Variants in CSMD3 observed in about 807,000 individuals in gnomAD.
CSMD3 encodes the protein CUB and sushi domain-containing protein 3.
A neutral mutation model predicts 435.2 loss-of-function variants in CSMD3; 177 were observed. The observed-to-expected ratio is 0.41, with a 90% CI of 0.36 to 0.46. The LOEUF (loss-of-function observed/expected upper bound fraction) is 0.46. CSMD3 is among the 20% of genes least tolerant of loss of function. CSMD3 has a pLI of 0.34. For missense variants in CSMD3, 4,265 were observed against 4,504.6 expected, an observed-to-expected ratio of 0.95 and a Z score of 1.52; for synonymous variants, 1,656 against 1,520.5, an observed-to-expected ratio of 1.09 and a Z score of -2.07.
At chr8:112,296,244 A>G (rs1308021243) in intron 53 of CSMD3, among the ~76,000 whole-genome samples, 3 of 152,194 alleles carry the variant, frequency 2.0e-5, no homozygotes, top group African/African-American at 7.2e-5. Context: ...ATTATAAAAT[A>G]TCTCAATGTG....
chr8:112,244,567 C>T lies in CSMD3; in HGVS notation c.10229G>A (p.Ser3410Asn), dbSNP rs2130115491. The change falls in exon 65 of 71, where the codon AGC (serine) becomes AAC (asparagine). Residue 3410 changes from serine (S) to asparagine (N), a missense_variant. Coordinates refer to ENST00000297405, the MANE Select transcript of CSMD3 (RefSeq NM_198123.2). ...SGIQPECIPHSCKQPETPAHA... is the reference protein window; with the variant it reads ...SGIQPECIPHNCKQPETPAHA... ...AGCAGGAGTTTCTGGCTGTTTACAG[C>T]TGTGGGCTATATTAAGAAAAGAGAA... 1.9e-6 allele frequency: 3 copies of T among 1,613,578 alleles called. No homozygotes were observed. The highest frequency in any genetic ancestry group is 2.5e-6 in the Non-Finnish European group (3 of 1,179,656).
chr8:113,286,582 T>C (rs2132504003), intron 2 of CSMD3, among the ~76,000 whole-genome samples: 1 of 152,164 alleles, frequency 6.6e-6, no homozygotes, highest in African/African-American at 2.4e-5. Flanking sequence ...TCAGCATCAT[T>C]CTTATAGATA....
intron 23 of CSMD3, among the ~76,000 whole-genome samples, chr8:112,585,615 T>C (rs909686464): frequency 6.6e-6 from 1 of 151,588 alleles, no homozygotes; most frequent in Non-Finnish European, 1.5e-5. Context: ...ATAATACCAG[T>C]ATAGGAAAGA....
chr8:113,144,086 G>A (rs1194000717), intron 4 of CSMD3, among the ~76,000 whole-genome samples: 3 of 150,102 alleles, frequency 2.0e-5, no homozygotes, highest in Non-Finnish European at 4.5e-5. Context: ...GTTATTTATA[G>A]TTATTTTTAT....
chr8:112,390,087 C>T (rs1216806447), intron 36 of CSMD3, among the ~76,000 whole-genome samples: 1 of 152,184 alleles, frequency 6.6e-6, no homozygotes, highest in Non-Finnish European at 1.5e-5. Context: ...TGAGCCAAAT[C>T]ATAGTAAATC....
chr8:112,782,032 G>A (rs1011151258), intron 13 of CSMD3, among the ~76,000 whole-genome samples: 1 of 152,092 alleles, frequency 6.6e-6, no homozygotes. Flanking sequence ...CAATGCCCAG[G>A]CATCTACGAA....
intron 13 of CSMD3, among the ~76,000 whole-genome samples, chr8:112,787,373 G>T (rs983212406): frequency 1.3e-5 from 2 of 152,114 alleles, no homozygotes; most frequent in Non-Finnish European, 2.9e-5. Context: ...CTCATACACT[G>T]TTGGTGAGAA....
At chr8:113,396,925 CTATT>C (rs751530891) in intron 1 of CSMD3, among the ~76,000 whole-genome samples, 1 of 152,046 alleles carries the variant, frequency 6.6e-6, no homozygotes, top group Non-Finnish European at 1.5e-5. Context: ...GTCTTCTTCA[CTATT>C]TTATTCCCAG....
At chr8:113,236,827 A>G (rs146581694) in intron 3 of CSMD3, among the ~76,000 whole-genome samples, 1 of 151,646 alleles carries the variant, frequency 6.6e-6, no homozygotes, top group Admixed American at 6.6e-5. Context: ...CTATCTCTCT[A>G]TCTATCTATC....
At chr8:112,256,098 T>A (rs567083523) in intron 61 of CSMD3, among the ~76,000 whole-genome samples, 3 of 152,292 alleles carry the variant, frequency 2.0e-5, no homozygotes, top group African/African-American at 7.2e-5. Flanking sequence ...TTGATTAGAT[T>A]ATTCCATTCA....
chr8:112,373,835 G>A (rs1278312876), intron 38 of CSMD3, among the ~76,000 whole-genome samples: 1 of 152,148 alleles, frequency 6.6e-6, no homozygotes, highest in African/African-American at 2.4e-5. Context: ...GTATTCGCTG[G>A]AGTTTCTGGG....
intron 6 of CSMD3, among the ~76,000 whole-genome samples, chr8:112,978,838 T>C (rs1329438177): frequency 6.6e-6 from 1 of 151,912 alleles, no homozygotes; most frequent in Admixed American, 6.6e-5. Context: ...CCCTAGCTCC[T>C]AGAACATTGC....
chr8:112,459,124 G>T (rs1285766321), intron 32 of CSMD3, among the ~76,000 whole-genome samples: 1 of 151,964 alleles, frequency 6.6e-6, no homozygotes, highest in East Asian at 1.9e-4. Flanking sequence ...ATGTCCAACG[G>T]GTTTTGTTAA....
chr8:113,254,307 T>G (rs1215084159), intron 3 of CSMD3, among the ~76,000 whole-genome samples: 3 of 152,196 alleles, frequency 2.0e-5, no homozygotes, highest in African/African-American at 7.2e-5. Context: ...CAGATACAGA[T>G]AAGCTGGAAG....
At chr8:113,020,492 A>G (rs2086648822) in intron 5 of CSMD3, among the ~76,000 whole-genome samples, 1 of 152,180 alleles carries the variant, frequency 6.6e-6, no homozygotes, top group Non-Finnish European at 1.5e-5. Flanking sequence ...CTTCTACCAT[A>G]TATCTAACCA....
At chr8:112,326,906 C>T (rs1197162756) in intron 45 of CSMD3, among the ~76,000 whole-genome samples, 1 of 152,060 alleles carries the variant, frequency 6.6e-6, no homozygotes, top group African/African-American at 2.4e-5. Context: ...CCTGTAATCC[C>T]AGCTACTTGG....
intron 10 of CSMD3, among the ~76,000 whole-genome samples, chr8:112,894,916 C>G (rs552291341): frequency 6.6e-6 from 1 of 150,956 alleles, no homozygotes; most frequent in South Asian, 2.1e-4. Context: ...ATCACTAACA[C>G]TGGAATGGAT....
At chr8:112,976,835 A>C (rs1008369072) in intron 6 of CSMD3, among the ~76,000 whole-genome samples, 1 of 152,112 alleles carries the variant, frequency 6.6e-6, no homozygotes, top group African/African-American at 2.4e-5. Context: ...TAAGCAAATT[A>C]TGAAATTTGG....
rs185288454 is a variant in CSMD3, at chr8:113,178,675, T to A, written c.515-4759A>T. Among the ~76,000 whole-genome samples the A allele has an allele frequency of 2.6e-5, 4 of 151,924 alleles. No individual in the cohort carries two copies. The East Asian group carries it at 5.8e-4, about 22-fold the overall frequency. ...ATTGTGATCTGAAAAGGATAAAAAG[T>A]TAGTTTTTGTTTGTTTGTTTCCAAG... On this transcript the variant is annotated intron_variant, in intron 3 of 70. Transcript: ENST00000297405.
Sources: gnomAD v4.1 joint callset for allele counts (sites outside exome capture counted in the v4.1 genomes callset) on GRCh38, gnomAD v4.1.1 for gene constraint, MANE v1.5 for transcripts, NCBI Gene and HGNC (gene_info 2026-07-23, HGNC 2026-07-21) for gene names.